Variants in NLRP2 observed in about 807,000 individuals in gnomAD.
The protein encoded by NLRP2 is NACHT, LRR and PYD domains-containing protein 2.
Under a neutral mutation model 97.2 loss-of-function variants are expected in NLRP2, and 107 were observed. The observed-to-expected ratio is 1.10, with a 90% CI of 0.94 to 1.29. The LOEUF is 1.29. NLRP2 is among the 50% of genes most tolerant of loss of function. NLRP2 has a pLI of 0.00. For synonymous variants in NLRP2, 663 were observed against 551.5 expected (o/e 1.20, Z -2.83); for missense variants, 1,495 against 1,330.3 (o/e 1.12, Z -1.93).
intron 4 of NLRP2, among the ~76,000 whole-genome samples, chr19:54,978,268 C>T (rs1201598236): frequency 7.0e-6 from 1 of 142,238 alleles, no homozygotes; most frequent in Non-Finnish European, 1.5e-5. Context: ...AAGTCTTGTT[C>T]TTGTCACCCA....
intron 3 of NLRP2, among the ~76,000 whole-genome samples, chr19:54,975,478 G>A (rs2071167192): frequency 7.1e-6 from 1 of 141,190 alleles, no homozygotes; most frequent in African/African-American, 2.7e-5. Context: ...TTGAGATAGA[G>A]TCTCTCTCTG....
In NLRP2 at chr19:55,000,975, C is replaced by T. The variant is rs2073159173; in HGVS notation, c.*77C>T. On this transcript the variant is annotated 3_prime_UTR_variant, in exon 13 of 13. Transcript: ENST00000448584. Reference sequence around the variant, plus strand: ...GTGAACTGCCTGTGACTCCTCTCCTCCCCGGCCCCTACCCCTCAGGGATAA... The same window carrying T: ...GTGAACTGCCTGTGACTCCTCTCCTTCCCGGCCCCTACCCCTCAGGGATAA... 3.0e-6 allele frequency: 4 copies of T among 1,350,418 alleles called. No homozygotes were observed. The highest frequency in any genetic ancestry group is 4.2e-6 in the Non-Finnish European group (4 of 944,468). The allele number at this position is 1,350,418 out of a possible 1,614,324, so 83.7% of individuals were successfully genotyped here.
At chr19:54,986,944 G>T (rs2072133677) in intron 8 of NLRP2, among the ~76,000 whole-genome samples, 1 of 151,860 alleles carries the variant, frequency 6.6e-6, no homozygotes, top group Admixed American at 6.6e-5. Flanking sequence ...GAGTGCGTTG[G>T]TATGATCTCA....
At chr19:54,984,323 T>TGTGTG (rs1326190021) in intron 6 of NLRP2, among the ~76,000 whole-genome samples, 3 of 102,690 alleles carry the variant, frequency 2.9e-5, no homozygotes, top group African/African-American at 4.6e-5. Context: ...GGGGGTTTTT[T>TGTGTG]TTTGTGTTTT....
At chr19:54,978,263 T>C (rs1009557889) in intron 4 of NLRP2, among the ~76,000 whole-genome samples, 19 of 150,708 alleles carry the variant, frequency 1.3e-4, no homozygotes, top group Non-Finnish European at 2.5e-4. Flanking sequence ...AGACGAAGTC[T>C]TGTTCTTGTC....
Position 54,982,932 on chromosome 19 carries a change from A to G in NLRP2, c.1234A>G (p.Met412Val), listed in dbSNP as rs757103934. 6.2e-7 allele frequency: 1 copy of G among 1,612,738 alleles called. No homozygotes were observed. Among genetic ancestry groups the G allele is most frequent in the African/African-American group, 1.3e-5 (1 of 74,882 alleles). The change falls in exon 6 of 13, where the codon ATG becomes GTG. Residue 412 changes from methionine to valine, a missense_variant. Met to Val is a conservative substitution (Grantham distance 21). Coordinates refer to ENST00000448584, the MANE Select transcript of NLRP2 (RefSeq NM_017852.5). ...CGTGTGCACGACTCTGAAGCTGCAG[A>G]TGGAGAAGGGGGAGGACCCGGTCCC... Reference protein sequence around the residue: ...WIVCTTLKLQMEKGEDPVPTC... With the variant: ...WIVCTTLKLQVEKGEDPVPTC...
intron 8 of NLRP2, among the ~76,000 whole-genome samples, chr19:54,987,624 C>T (rs1453683798): frequency 1.3e-5 from 2 of 151,938 alleles, no homozygotes; most frequent in East Asian, 1.9e-4. Context: ...CGCCTGTAGT[C>T]CCAGCTACTC....
At chr19:54,974,181 C>T in intron 2 of NLRP2, 1 of 589,362 alleles carries the variant, frequency 1.7e-6, no homozygotes, top group Non-Finnish European at 3.1e-6. Flanking sequence ...TGGTGAAACC[C>T]CATCTCTACT....
At chr19:54,976,294 C>T (rs186143077) in intron 3 of NLRP2, among the ~76,000 whole-genome samples, 1 of 148,744 alleles carries the variant, frequency 6.7e-6, no homozygotes. Context: ...ACCTCGTGAT[C>T]CACGTGCCTC....
chr19:54,998,611 C>CTTTTTTTTTTTTTTTT (rs375510249), intron 12 of NLRP2, among the ~76,000 whole-genome samples: 2 of 42,192 alleles, frequency 4.7e-5, no homozygotes, highest in Non-Finnish European at 9.3e-5. Flanking sequence ...CATCTTTTTT[C>CTTTTTTTTTTTTTTTT]TTTTTTTTTT....
rs375922261 is a variant in NLRP2 at position 54,982,462 on chromosome 19, C to T, written c.764C>T (p.Pro255Leu). The change falls in exon 6 of 13, where the codon CCG (proline) becomes CTG (leucine). Residue 255 changes from proline to leucine, a missense_variant. By Grantham distance (98) the Pro-to-Leu change is moderately conservative. Coordinates refer to ENST00000448584, the MANE Select transcript of NLRP2 (RefSeq NM_017852.5). ...LSCRELSRLG[P>L]CSFAELVFRD... ...TGCAGGGAGCTCAGCCGCCTGGGCC[C>T]GTGCAGTTTTGCAGAGCTGGTCTTC... 8.7e-6 allele frequency: 14 copies of T among 1,614,032 alleles called. No individual in the cohort carries two copies. Among genetic ancestry groups the T allele is most frequent in the East Asian group, 6.7e-5 (3 of 44,894 alleles).
intron 12 of NLRP2, among the ~76,000 whole-genome samples, chr19:55,000,468 CAG>C (rs925680271): frequency 5.0e-4 from 76 of 150,762 alleles, no homozygotes; most frequent in South Asian, 2.1e-3. Flanking sequence ...TTAGTAGAGA[CAG>C]GGTTTCACCG....
intron 9 of NLRP2, 82 bp from the exon 10 acceptor site, chr19:54,990,420 T>C: frequency 6.9e-7 from 1 of 1,439,974 alleles, no homozygotes; most frequent in Non-Finnish European, 9.8e-7. Context: ...AAGGGGCTTT[T>C]GGATGCTGGC....
intron 12 of NLRP2, among the ~76,000 whole-genome samples, chr19:54,998,631 C>CTTTTT (rs1179005483): frequency 1.6e-4 from 10 of 61,134 alleles, no homozygotes; most frequent in Non-Finnish European, 2.3e-4. Context: ...TTTTTTTTTC[C>CTTTTT]TTTTTTTTTT....
chr19:54,991,229 A>G (rs1376378480), intron 10 of NLRP2: 1 of 164,960 alleles, frequency 6.1e-6, no homozygotes, highest in African/African-American at 2.4e-5. Context: ...TACATGCTCA[A>G]TGTGATCCTC....
At chr19:54,967,431 T>G (rs2070528306) in intron 1 of NLRP2, among the ~76,000 whole-genome samples, 1 of 151,972 alleles carries the variant, frequency 6.6e-6, no homozygotes, top group South Asian at 2.1e-4. Context: ...GCGGGGAGCC[T>G]AGATCATACC....
In NLRP2 at chr19:54,970,044, A is replaced by G. The variant is rs765131798; in HGVS notation, c.29A>G (p.Asn10Ser). The G allele has an allele frequency of 2.5e-5, 40 of 1,613,742 alleles. No individual in the cohort carries two copies. Among genetic ancestry groups the G allele is most frequent in the African/African-American group, 4.0e-5 (3 of 74,854 alleles). Reference sequence around the variant, plus strand: ...GTGTCTTCGGCGCAGATGGGCTTCAACCTGCAGGCTCTCCTGGAGCAGCTC... The same window carrying G: ...GTGTCTTCGGCGCAGATGGGCTTCAGCCTGCAGGCTCTCCTGGAGCAGCTC... MVSSAQMGFNLQALLEQLSQ... is the reference protein window; with the variant it reads MVSSAQMGFSLQALLEQLSQ... The change falls in exon 2 of 13, where the codon AAC (asparagine) becomes AGC (serine). Residue 10 changes from asparagine to serine, a missense_variant. Transcript: ENST00000448584.
At chr19:54,997,757 CTT>C (rs755734084) in intron 12 of NLRP2, among the ~76,000 whole-genome samples, 6 of 143,524 alleles carry the variant, frequency 4.2e-5, no homozygotes, top group African/African-American at 5.1e-5. Context: ...ACCCGGCCAC[CTT>C]TTTTTTTTTT....
intron 6 of NLRP2, among the ~76,000 whole-genome samples, chr19:54,984,767 G>T (rs956669882): frequency 1.3e-5 from 2 of 151,996 alleles, no homozygotes; most frequent in African/African-American, 4.8e-5. Context: ...ATAGGCGTGA[G>T]TCACCGTGCC....
Sources: gnomAD v4.1 joint callset for allele counts (sites outside exome capture counted in the v4.1 genomes callset) on GRCh38, gnomAD v4.1.1 for gene constraint, MANE v1.5 for transcripts, NCBI Gene and HGNC (gene_info 2026-07-23, HGNC 2026-07-21) for gene names.